HHIP: variants seen among roughly 807,000 people sequenced by gnomAD.
HHIP encodes hedgehog interacting protein, also known as hedgehog-interacting protein.
A neutral mutation model predicts 74.0 loss-of-function variants in HHIP; 12 were observed. That is an observed-to-expected ratio of 0.16 (90% CI 0.10 to 0.26). The LOEUF is 0.26. Ranked by LOEUF, HHIP falls within the 10% of genes least tolerant of loss-of-function variation. The pLI is 1.00. For missense variants in HHIP, 788 were observed against 845.0 expected (o/e 0.93, Z 0.84); for synonymous variants, 309 against 311.6 (o/e 0.99, Z 0.09).
At chr4:144,679,130 G>A (rs1729261090) in intron 4 of HHIP, among the ~76,000 whole-genome samples, 1 of 151,852 alleles carries the variant, frequency 6.6e-6, no homozygotes, top group African/African-American at 2.4e-5. Flanking sequence ...CTAATGACCA[G>A]GGATGATTAG....
chr4:144,662,607 C>T (rs1255492652), intron 4 of HHIP, among the ~76,000 whole-genome samples: 3 of 152,154 alleles, frequency 2.0e-5, no homozygotes, highest in African/African-American at 7.2e-5. Flanking sequence ...TGATAGTGTA[C>T]TCTACAAGCT....
intron 4 of HHIP, among the ~76,000 whole-genome samples, chr4:144,686,438 G>A (rs1186905616): frequency 1.3e-5 from 2 of 152,156 alleles, no homozygotes; most frequent in Admixed American, 1.3e-4. Context: ...AGTTATCGAT[G>A]ATCCTGAGTA....
intron 7 of HHIP, among the ~76,000 whole-genome samples, chr4:144,711,498 C>T (rs1016036249): frequency 6.6e-6 from 1 of 152,010 alleles, no homozygotes; most frequent in South Asian, 2.1e-4. Flanking sequence ...CTGCACCCCG[C>T]CCCCCAACAG....
At chr4:144,647,662 G>A (rs573713341) in intron 1 of HHIP, among the ~76,000 whole-genome samples, 12 of 151,878 alleles carry the variant, frequency 7.9e-5, no homozygotes, top group Admixed American at 3.3e-4. Context: ...TAAGAGTAAT[G>A]GCATTTACGT....
chr4:144,736,136 CT>C lies in HHIP; in HGVS notation c.1909+1264del, dbSNP rs36088965. 5.8e-3 allele frequency among the ~76,000 whole-genome samples: 745 copies of C among 128,190 alleles called. 4 individuals are homozygous for C. The highest frequency in any genetic ancestry group is 0.017 in the African/African-American group (589 of 34,942). 84.1% of individuals were successfully genotyped at this position (128,190 alleles called of 152,430 possible). A position where few individuals can be genotyped will look rare whatever the true frequency, so the allele number is the denominator to read the frequency against. On this transcript the variant is annotated intron_variant, in intron 12 of 12. Coordinates refer to ENST00000296575, the MANE Select transcript of HHIP (RefSeq NM_022475.3). Reference sequence around the variant, plus strand: ...CTAACAATATCTACTTTTTCTGCATCTTTTTTTTTTTTTTTTTGAGGTGGAG... The same window carrying C: ...CTAACAATATCTACTTTTTCTGCATCTTTTTTTTTTTTTTTTGAGGTGGAG...
At chr4:144,711,490 G>A (rs1042330303) in intron 7 of HHIP, among the ~76,000 whole-genome samples, 1 of 151,836 alleles carries the variant, frequency 6.6e-6, no homozygotes, top group Non-Finnish European at 1.5e-5. Flanking sequence ...TCGTCCCCCT[G>A]CACCCCGCCC....
rs1333484064 is a variant in HHIP, at chr4:144,742,156, G to A, written c.*4199G>A. On this transcript the variant is annotated 3_prime_UTR_variant, in exon 13 of 13. Coordinates refer to ENST00000296575, the MANE Select transcript of HHIP (RefSeq NM_022475.3). ...ATTTTCTATTGGTTTTGCCTAAATA[G>A]ACATGTTCTCAATACACCCATGTTG... 1 of 151,852 alleles carries A rather than the reference G, an allele frequency of 6.6e-6. No individual in the cohort carries two copies. The highest frequency in any genetic ancestry group is 2.4e-5 in the African/African-American group (1 of 41,290). 9.4% of individuals were successfully genotyped at this position (151,852 alleles called of 1,614,324 possible).
chr4:144,712,378 A>G (rs11100863), intron 8 of HHIP, among the ~76,000 whole-genome samples: 3,412 of 152,290 alleles, frequency 0.022, 58 homozygotes, highest in Non-Finnish European at 0.038. Context: ...AATAAGTTCT[A>G]TTCAGTAGGG....
intron 11 of HHIP, among the ~76,000 whole-genome samples, chr4:144,722,029 A>G (rs1455026192): frequency 6.6e-6 from 1 of 152,140 alleles, no homozygotes; most frequent in Non-Finnish European, 1.5e-5. Context: ...GGCAGGGCAG[A>G]GTTAGGGTCA....
chr4:144,731,264 A>G (rs991602878), intron 11 of HHIP, among the ~76,000 whole-genome samples: 1 of 152,180 alleles, frequency 6.6e-6, no homozygotes, highest in Admixed American at 6.5e-5. Flanking sequence ...CATTCATTCA[A>G]TAGATTTCTA....
At chr4:144,715,193 C>A in intron 9 of HHIP, 107 bp from the exon 10 acceptor site, 1 of 1,077,996 alleles carries the variant, frequency 9.3e-7, no homozygotes, top group Non-Finnish European at 1.4e-6. Context: ...GAAGCCAGGT[C>A]TATGGCAAAG....
At chr4:144,662,207 CT>C (rs1041903004) in intron 4 of HHIP, among the ~76,000 whole-genome samples, 1 of 151,970 alleles carries the variant, frequency 6.6e-6, no homozygotes, top group Non-Finnish European at 1.5e-5. Flanking sequence ...AAAGGCTGAC[CT>C]TTTTTAAGGC....
chr4:144,686,924 A>G (rs533733579), intron 4 of HHIP, among the ~76,000 whole-genome samples: 3 of 152,094 alleles, frequency 2.0e-5, no homozygotes, highest in Non-Finnish European at 2.9e-5. Context: ...CTTAAAAAGA[A>G]AGACGCTTAG....
chr4:144,686,812 G>T lies in HHIP; in HGVS notation c.832-19719G>T, dbSNP rs529268558. ...TTAAGGCCACAGCTTTCTTAGCAAT[G>T]CAGCTTGTACAGTTGTCAGAGCTTT... On this transcript the variant is annotated intron_variant, in intron 4 of 12. Transcript: ENST00000296575. Among the ~76,000 whole-genome samples the T allele has an allele frequency of 7.3e-4, 111 of 152,006 alleles. 1 individual carries two copies. Among genetic ancestry groups the T allele is most frequent in the South Asian group, 1.2e-3 (6 of 4,828 alleles).
At chr4:144,734,617 TAAA>T in intron 11 of HHIP, 121 bp from the exon 12 acceptor site, 21 of 571,258 alleles carry the variant, frequency 3.7e-5, no homozygotes, top group South Asian at 1.4e-4. Context: ...CTGAGTCACT[TAAA>T]AAAAAAAAAA....
intron 4 of HHIP, among the ~76,000 whole-genome samples, chr4:144,669,225 T>C (rs897771375): frequency 6.6e-6 from 1 of 152,170 alleles, no homozygotes; most frequent in Non-Finnish European, 1.5e-5. Flanking sequence ...GAAATTAAAA[T>C]TATCTTTGGA....
At chr4:144,656,443 C>T (rs1728559173) in intron 2 of HHIP, among the ~76,000 whole-genome samples, 1 of 152,022 alleles carries the variant, frequency 6.6e-6, no homozygotes, top group African/African-American at 2.4e-5. Flanking sequence ...TTCTCATTTC[C>T]TCGTATTTGT....
Position 144,714,373 on chromosome 4 carries a change from T to C in HHIP, c.1547+25T>C, listed in dbSNP as rs199974974. On this transcript the variant is annotated intron_variant, in intron 9 of 12. Coordinates refer to ENST00000296575, the MANE Select transcript of HHIP (RefSeq NM_022475.3). ...GGTAGGTTTCCTGATACCACAACAG[T>C]ATGATATACCAAATGACATATCCAT... is the stretch of plus-strand genomic sequence containing the variant. 2.7e-4 allele frequency: 430 copies of C among 1,610,328 alleles called. 1 individual carries two copies. Among genetic ancestry groups the C allele is most frequent in the Non-Finnish European group, 3.3e-4 (384 of 1,177,336 alleles).
chr4:144,737,237 C>G (rs1731144778), intron 12 of HHIP, among the ~76,000 whole-genome samples: 1 of 152,132 alleles, frequency 6.6e-6, no homozygotes, highest in South Asian at 2.1e-4. Flanking sequence ...CTGTCTGCCC[C>G]CTGGAAGCAA....
Sources: allele counts gnomAD v4.1 joint callset (sites outside exome capture counted in the v4.1 genomes callset), GRCh38; gene constraint gnomAD v4.1.1; transcripts MANE v1.5; gene names NCBI Gene and HGNC (gene_info 2026-07-23, HGNC 2026-07-21).